TSNAX: variants seen among roughly 807,000 people sequenced by gnomAD.
TSNAX encodes translin-associated protein X.
Under a neutral mutation model 33.0 loss-of-function variants are expected in TSNAX, and 12 were observed. The ratio of observed to expected loss-of-function variants is 0.36; its 90% CI spans 0.23 to 0.59. TSNAX has a LOEUF of 0.59. Among genes scored for constraint, TSNAX ranks in the 20% least tolerant of loss-of-function variants. TSNAX has a pLI of 0.74. For missense variants in TSNAX, 267 were observed against 341.3 expected (o/e 0.78, Z 1.72); for synonymous variants, 110 against 117.2 (o/e 0.94, Z 0.40).
At chr1:231,533,730 T>C (rs1426686472) in intron 2 of TSNAX, among the ~76,000 whole-genome samples, 1 of 151,954 alleles carries the variant, frequency 6.6e-6, no homozygotes, top group South Asian at 2.1e-4. Context: ...TTTGCCACTT[T>C]TGCTTTATTA....
At chr1:231,530,580 G>A (rs1485555127) in intron 2 of TSNAX, among the ~76,000 whole-genome samples, 1 of 151,990 alleles carries the variant, frequency 6.6e-6, no homozygotes, top group African/African-American at 2.4e-5. Flanking sequence ...AAAATTAGCC[G>A]GGCGTCAGTA....
At chr1:231,534,646 T>C (rs1659038582) in intron 2 of TSNAX, 1 of 152,234 alleles carries the variant, frequency 6.6e-6, no homozygotes, top group Non-Finnish European at 1.5e-5. Context: ...GCAGTGCTTA[T>C]TGGGCACATG....
chr1:231,557,772 G>A (rs568343523), intron 4 of TSNAX, among the ~76,000 whole-genome samples: 13 of 152,290 alleles, frequency 8.5e-5, no homozygotes, highest in African/African-American at 2.6e-4. Context: ...ACTAGCCACA[G>A]AAAATGGAAC....
intron 4 of TSNAX, among the ~76,000 whole-genome samples, chr1:231,553,460 A>G (rs767357539): frequency 6.6e-6 from 1 of 152,218 alleles, no homozygotes; most frequent in South Asian, 2.1e-4. Flanking sequence ...AGGCTAAGAC[A>G]GAAGGGGAAG....
chr1:231,543,542 A>C (rs902577750), intron 4 of TSNAX, among the ~76,000 whole-genome samples: 17 of 152,188 alleles, frequency 1.1e-4, no homozygotes, highest in African/African-American at 4.1e-4. Context: ...TTTTTGGATT[A>C]GGAATGCTCA....
intron 3 of TSNAX, among the ~76,000 whole-genome samples, chr1:231,541,559 T>G (rs1659575468): frequency 6.6e-6 from 1 of 151,800 alleles, no homozygotes; most frequent in Non-Finnish European, 1.5e-5. Flanking sequence ...TATGTTATGA[T>G]TTTTACTTTA....
chr1:231,562,239 A>AT (rs1001924945), intron 5 of TSNAX, among the ~76,000 whole-genome samples: 106 of 149,498 alleles, frequency 7.1e-4, no homozygotes, highest in African/African-American at 2.5e-3. Context: ...AATTTTCTTT[A>AT]TTTTTTCTTT....
At chr1:231,563,124 T>C (rs1661217548) in intron 5 of TSNAX, among the ~76,000 whole-genome samples, 1 of 152,214 alleles carries the variant, frequency 6.6e-6, no homozygotes. Flanking sequence ...TCCTTTAAAC[T>C]TTACTCAAAA....
intron 2 of TSNAX, among the ~76,000 whole-genome samples, chr1:231,533,149 C>T (rs1435606148): frequency 6.9e-6 from 1 of 145,280 alleles, no homozygotes. Context: ...TCACTGCAAC[C>T]TCCGCCTCCC....
chr1:231,556,301 A>G (rs547070044), intron 4 of TSNAX, among the ~76,000 whole-genome samples: 1 of 152,356 alleles, frequency 6.6e-6, no homozygotes, highest in African/African-American at 2.4e-5. Context: ...ACTAGATGCC[A>G]TGATCTTGAT....
At chr1:231,544,748 A>G (rs1474418503) in intron 4 of TSNAX, among the ~76,000 whole-genome samples, 2 of 152,244 alleles carry the variant, frequency 1.3e-5, no homozygotes, top group South Asian at 2.1e-4. Flanking sequence ...AAAGCTGTAC[A>G]TTGTCTTACA....
Position 231,529,308 on chromosome 1 carries a change from A to G in TSNAX, c.70A>G (p.Arg24Gly). The change falls in exon 2 of 6, where the codon AGA becomes GGA. Residue 24 changes from arginine to glycine, a missense_variant. Arg to Gly is a moderately radical substitution (Grantham distance 125). This residue lies in a region of TSNAX where 200 missense variants were observed against 214.1 expected (regional missense o/e 0.93). Transcript: ENST00000366639. ...TGACAATTTCCCACATAACCAAAGA[A>G]GAGAAGGGAAGGATGTTAATTCATC... is the stretch of plus-strand genomic sequence containing the variant. ...KHDNFPHNQR[R>G]EGKDVNSSSP... 1.2e-6 allele frequency: 2 copies of G among 1,614,230 alleles called. No homozygotes were observed. Among genetic ancestry groups the G allele is most frequent in the Non-Finnish European group, 1.7e-6 (2 of 1,180,054 alleles).
At chr1:231,563,171 A>G (rs1661220823) in intron 5 of TSNAX, among the ~76,000 whole-genome samples, 1 of 152,228 alleles carries the variant, frequency 6.6e-6, no homozygotes, top group Non-Finnish European at 1.5e-5. Flanking sequence ...CACAATTCTT[A>G]CCTGTATGCC....
At chr1:231,538,598 A>G (rs1401948609) in intron 3 of TSNAX, among the ~76,000 whole-genome samples, 1 of 152,220 alleles carries the variant, frequency 6.6e-6, no homozygotes, top group Non-Finnish European at 1.5e-5. Flanking sequence ...GTTGTTACAA[A>G]TTCCAGATGT....
chr1:231,558,106 A>C (rs1205176401), intron 4 of TSNAX, among the ~76,000 whole-genome samples: 1 of 152,078 alleles, frequency 6.6e-6, no homozygotes, highest in Admixed American at 6.5e-5. Context: ...GAGGGTGGGC[A>C]TGTCCCATCG....
At chr1:231,550,344 T>G (rs946411031) in intron 4 of TSNAX, among the ~76,000 whole-genome samples, 1 of 152,104 alleles carries the variant, frequency 6.6e-6, no homozygotes, top group Non-Finnish European at 1.5e-5. Context: ...GGGGGTGTTG[T>G]GTTGTGCAGC....
intron 3 of TSNAX, among the ~76,000 whole-genome samples, chr1:231,541,626 A>G (rs748160059): frequency 6.6e-6 from 1 of 152,182 alleles, no homozygotes; most frequent in Non-Finnish European, 1.5e-5. Context: ...ATTTTTGTAA[A>G]TGTTCATTCC....
intron 4 of TSNAX, among the ~76,000 whole-genome samples, chr1:231,547,064 A>G (rs1478620669): frequency 2.0e-5 from 3 of 152,342 alleles, no homozygotes; most frequent in Admixed American, 6.5e-5. Context: ...TCTCTGCCTG[A>G]TATGGTAATT....
chr1:231,551,700 G>A (rs1265028827), intron 4 of TSNAX, among the ~76,000 whole-genome samples: 1 of 150,624 alleles, frequency 6.6e-6, no homozygotes, highest in East Asian at 1.9e-4. Flanking sequence ...GGAAGTGGTA[G>A]CTCATACCTG....
Sources: allele counts gnomAD v4.1 joint callset (sites outside exome capture counted in the v4.1 genomes callset), GRCh38; gene constraint gnomAD v4.1.1; regional missense constraint gnomAD v4.1.1; transcripts MANE v1.5; gene names NCBI Gene and HGNC (gene_info 2026-07-23, HGNC 2026-07-21).